Variants in ADGRL2 observed in about 807,000 individuals in gnomAD.
ADGRL2 encodes the protein adhesion G protein-coupled receptor L2, also known as calcium-independent alpha-latrotoxin receptor 2.
A neutral mutation model predicts 157.4 loss-of-function variants in ADGRL2; 44 were observed. The ratio of observed to expected loss-of-function variants is 0.28; its 90% CI spans 0.22 to 0.36. ADGRL2 has a LOEUF of 0.36. Among genes scored for constraint, ADGRL2 ranks in the 10% least tolerant of loss-of-function variants. ADGRL2 has a pLI of 1.00. For synonymous variants in ADGRL2, 585 were observed against 624.7 expected, an observed-to-expected ratio of 0.94 and a Z score of 0.95; for missense variants, 1,510 against 1,768.9, an observed-to-expected ratio of 0.85 and a Z score of 2.63.
In ADGRL2 at chr1:81,408,938, G is replaced by T. The variant is rs1325644184; in HGVS notation, c.-301-36098G>T. On this transcript the variant is annotated intron_variant, in intron 1 of 24. Transcript: ENST00000370721. ...TATTTCTTTGGATCAAATAGGAAGA[G>T]ATGTGTGGACTTAAACTGTTTTCAA... 2.6e-5 allele frequency among the ~76,000 whole-genome samples: 4 copies of T among 152,198 alleles called. 1 individual carries two copies. The highest frequency in any genetic ancestry group is 5.9e-5 in the Non-Finnish European group (4 of 68,028).
At chr1:81,386,032 G>T (rs183760581) in intron 1 of ADGRL2, among the ~76,000 whole-genome samples, 1 of 151,990 alleles carries the variant, frequency 6.6e-6, no homozygotes, top group Non-Finnish European at 1.5e-5. Context: ...TGGCTTCAGC[G>T]CAATCCTCAT....
chr1:81,908,136 A>G (rs992877314), intron 3 of ADGRL2, among the ~76,000 whole-genome samples: 1 of 152,244 alleles, frequency 6.6e-6, no homozygotes, highest in Non-Finnish European at 1.5e-5. Context: ...GCCTAGGAGC[A>G]ATAGACTGTA....
intron 11 of ADGRL2, 151 bp downstream of exon 11, chr1:81,956,211 CACTT>C: frequency 1.7e-6 from 1 of 580,376 alleles, no homozygotes; most frequent in Non-Finnish European, 2.7e-6. Flanking sequence ...TTATTGACCA[CACTT>C]ACTAAAATTC....
intron 2 of ADGRL2, among the ~76,000 whole-genome samples, chr1:81,457,646 A>G (rs1374240884): frequency 6.6e-6 from 1 of 152,228 alleles, no homozygotes. Flanking sequence ...TGTTAAAACT[A>G]CAAAAGTGGG....
At chr1:81,760,305 T>A (rs1451742781) in intron 1 of ADGRL2, among the ~76,000 whole-genome samples, 1 of 152,132 alleles carries the variant, frequency 6.6e-6, no homozygotes, top group Non-Finnish European at 1.5e-5. Flanking sequence ...GGCAACTGAA[T>A]GTTGCCATAG....
intron 1 of ADGRL2, among the ~76,000 whole-genome samples, chr1:81,828,144 A>G (rs778096545): frequency 3.9e-5 from 6 of 152,206 alleles, no homozygotes; most frequent in East Asian, 1.9e-4. Flanking sequence ...CACACAGCCA[A>G]TGTCATTTCG....
At chr1:81,696,738 CGA>C (rs1557573971), upstream of ADGRL2, among the ~76,000 whole-genome samples, 1 of 151,862 alleles carries the variant, frequency 6.6e-6, no homozygotes. Context: ...GGCGACAGAG[CGA>C]GACTCCATCT....
At chr1:81,662,396 C>T (rs1423980717) in intron 3 of ADGRL2, among the ~76,000 whole-genome samples, 1 of 151,778 alleles carries the variant, frequency 6.6e-6, no homozygotes. Context: ...GCTGGGATTA[C>T]AGGTGCATGC....
intron 1 of ADGRL2, among the ~76,000 whole-genome samples, chr1:81,723,986 C>A (rs1438782660): frequency 2.6e-5 from 4 of 152,010 alleles, no homozygotes; most frequent in African/African-American, 7.2e-5. Flanking sequence ...TCAAAAAATG[C>A]GCAACTCCGT....
intron 3 of ADGRL2, among the ~76,000 whole-genome samples, chr1:81,664,920 G>A (rs1254222880): frequency 6.6e-6 from 1 of 152,016 alleles, no homozygotes; most frequent in African/African-American, 2.4e-5. Flanking sequence ...TATTTATTGA[G>A]TTACTATGCT....
At chr1:81,693,985 G>T (rs2083393887) in intron 3 of ADGRL2, among the ~76,000 whole-genome samples, 1 of 152,170 alleles carries the variant, frequency 6.6e-6, no homozygotes, top group African/African-American at 2.4e-5. Flanking sequence ...TACATTATAT[G>T]AGGGATACAG....
At chr1:81,801,458 C>T (rs1017822865) in intron 1 of ADGRL2, among the ~76,000 whole-genome samples, 5 of 152,212 alleles carry the variant, frequency 3.3e-5, no homozygotes, top group African/African-American at 9.6e-5. Context: ...TCTCCGCTCA[C>T]ACACACGCAG....
intron 2 of ADGRL2, chr1:81,761,892 A>G (rs1232622908): frequency 1.3e-5 from 2 of 152,090 alleles, no homozygotes; most frequent in Admixed American, 1.3e-4. Flanking sequence ...AGTACTGAAC[A>G]CGAACAAGAA....
chr1:81,867,725 G>A (rs1009974467), intron 2 of ADGRL2, among the ~76,000 whole-genome samples: 8 of 152,082 alleles, frequency 5.3e-5, no homozygotes, highest in African/African-American at 1.4e-4. Flanking sequence ...TCATTGCAAA[G>A]TCAAGAATAA....
Position 81,701,169 on chromosome 1 carries a change from C to T in ADGRL2, c.-143+1361C>T, listed in dbSNP as rs534968590. On this transcript the variant is annotated intron_variant, in intron 1 of 20. Coordinates refer to the ADGRL2 transcript ENST00000359929. The stretch of plus-strand genomic sequence containing the variant: ...ACAAAAATATGTATGTCATTTTCAT[C>T]GGTGGCATACCTTGTTTTCTTTTTG... 6.6e-5 allele frequency among the ~76,000 whole-genome samples: 10 copies of T among 152,198 alleles called. No homozygotes were observed. The East Asian group carries it at 1.7e-3, about 26-fold the overall frequency.
chr1:81,670,285 T>C (rs2082846906), intron 3 of ADGRL2, among the ~76,000 whole-genome samples: 1 of 152,234 alleles, frequency 6.6e-6, no homozygotes, highest in African/African-American at 2.4e-5. Context: ...GCATTTGCTA[T>C]TTCGTTATGG....
chr1:81,852,365 G>A (rs2093042930), intron 2 of ADGRL2, among the ~76,000 whole-genome samples: 1 of 152,094 alleles, frequency 6.6e-6, no homozygotes, highest in South Asian at 2.1e-4. Flanking sequence ...CGCCTGGTAA[G>A]AGAAAGATGG....
At chr1:81,612,646 T>C (rs2081566172) in intron 3 of ADGRL2, among the ~76,000 whole-genome samples, 1 of 151,970 alleles carries the variant, frequency 6.6e-6, no homozygotes, top group Admixed American at 6.6e-5. Context: ...ATGGATATAG[T>C]ATGCCTATTT....
intron 3 of ADGRL2, among the ~76,000 whole-genome samples, chr1:81,611,194 A>T (rs955870582): frequency 2.0e-5 from 3 of 152,208 alleles, no homozygotes; most frequent in Non-Finnish European, 4.4e-5. Flanking sequence ...TCATATAAAG[A>T]CCGGAAGCCC....
Sources: allele counts gnomAD v4.1 joint callset (sites outside exome capture counted in the v4.1 genomes callset), GRCh38; gene constraint gnomAD v4.1.1; transcripts MANE v1.5; gene names NCBI Gene and HGNC (gene_info 2026-07-23, HGNC 2026-07-21).